Variants in SAMMSON observed in about 807,000 individuals in gnomAD.
The protein encoded by SAMMSON is survival associated mitochondrial melanoma specific oncogenic non-coding RNA.
intron 2 of SAMMSON, among the ~76,000 whole-genome samples, chr3:70,403,155 CA>C (rs1222124696): frequency 6.6e-6 from 1 of 152,078 alleles, no homozygotes; most frequent in Admixed American, 6.5e-5. Flanking sequence ...GCAATGAAAT[CA>C]AATGATGGTC....
At chr3:70,080,131 G>T (rs2106640575) in intron 4 of SAMMSON, among the ~76,000 whole-genome samples, 1 of 152,296 alleles carries the variant, frequency 6.6e-6, no homozygotes, top group South Asian at 2.1e-4. Flanking sequence ...CCAGGATCCA[G>T]ACTAGGTGAG....
chr3:70,105,858 C>T (rs984015647), intron 4 of SAMMSON, among the ~76,000 whole-genome samples: 10 of 152,222 alleles, frequency 6.6e-5, no homozygotes, highest in African/African-American at 2.4e-4. Flanking sequence ...TCGAATCAAA[C>T]AATTTGGATT....
intron 4 of SAMMSON, among the ~76,000 whole-genome samples, chr3:70,118,441 T>C (rs1424217274): frequency 6.6e-6 from 1 of 152,306 alleles, no homozygotes; most frequent in Middle Eastern, 3.4e-3. Flanking sequence ...CCTTTTATTT[T>C]GCACCCAAAA....
At chr3:70,162,610 G>C (rs1024128966) in intron 4 of SAMMSON, among the ~76,000 whole-genome samples, 1 of 151,926 alleles carries the variant, frequency 6.6e-6, no homozygotes, top group African/African-American at 2.4e-5. Flanking sequence ...GTATTCTGCT[G>C]TTTTTGGGTG....
chr3:70,018,532 C>A (rs1015956292), intron 3 of SAMMSON, among the ~76,000 whole-genome samples: 4 of 152,140 alleles, frequency 2.6e-5, no homozygotes, highest in Admixed American at 6.5e-5. Context: ...AAAAAACCAG[C>A]TCCTGGATTC....
At chr3:70,385,799 A>G (rs1314218313) in intron 9 of SAMMSON, among the ~76,000 whole-genome samples, 3 of 152,124 alleles carry the variant, frequency 2.0e-5, no homozygotes, top group African/African-American at 4.8e-5. Context: ...TAAAGTACAG[A>G]TATGTCATCT....
intron 6 of SAMMSON, among the ~76,000 whole-genome samples, chr3:70,250,749 T>G (rs1207128651): frequency 6.6e-6 from 1 of 152,168 alleles, no homozygotes; most frequent in African/African-American, 2.4e-5. Flanking sequence ...CATCTTGCAA[T>G]TTGGGACTAA....
At chr3:70,057,015 G>A (rs2067170491) in intron 3 of SAMMSON, among the ~76,000 whole-genome samples, 1 of 152,034 alleles carries the variant, frequency 6.6e-6, no homozygotes, top group South Asian at 2.1e-4. Flanking sequence ...TAATCTATTT[G>A]TGTCCCAAAG....
At chr3:70,057,460 TG>T (rs564277573) in intron 3 of SAMMSON, among the ~76,000 whole-genome samples, 203 of 152,174 alleles carry the variant, frequency 1.3e-3, no homozygotes, top group Admixed American at 1.6e-3. Context: ...AATGAAGAAT[TG>T]TCTTTGCCTT....
At chr3:70,206,654 G>C (rs1260529941) in intron 4 of SAMMSON, 1 of 397,758 alleles carries the variant, frequency 2.5e-6, no homozygotes, top group Non-Finnish European at 4.4e-6. Context: ...ACAGTGATGT[G>C]CTGGATTCTG....
intron 4 of SAMMSON, among the ~76,000 whole-genome samples, chr3:70,092,597 A>G (rs2067308696): frequency 6.6e-6 from 1 of 152,076 alleles, no homozygotes; most frequent in Non-Finnish European, 1.5e-5. Context: ...TCCCACCCAA[A>G]GAAGAACCTT....
intron 4 of SAMMSON, among the ~76,000 whole-genome samples, chr3:70,132,006 C>T (rs1232107098): frequency 6.6e-6 from 1 of 152,158 alleles, no homozygotes; most frequent in African/African-American, 2.4e-5. Context: ...AGGACCCCCT[C>T]TTGGCCAAGG....
intron 2 of SAMMSON, among the ~76,000 whole-genome samples, chr3:70,420,186 G>T (rs991501596): frequency 6.6e-6 from 1 of 152,066 alleles, no homozygotes; most frequent in Non-Finnish European, 1.5e-5. Flanking sequence ...TGTCTCACAG[G>T]TCCTCTTAGG....
At chr3:70,020,709 A>G (rs2067009917) in intron 3 of SAMMSON, among the ~76,000 whole-genome samples, 1 of 152,106 alleles carries the variant, frequency 6.6e-6, no homozygotes, top group Non-Finnish European at 1.5e-5. Flanking sequence ...AGTAACAATA[A>G]TAATTAATAA....
intron 4 of SAMMSON, among the ~76,000 whole-genome samples, chr3:70,080,952 G>T (rs1025448413): frequency 3.3e-5 from 5 of 152,100 alleles, no homozygotes; most frequent in African/African-American, 4.8e-5. Flanking sequence ...CCAGGGAGGT[G>T]GGTATTTTGT....
intron 8 of SAMMSON, among the ~76,000 whole-genome samples, chr3:70,356,455 CTAAA>C (rs768324057): frequency 3.3e-5 from 5 of 151,944 alleles, no homozygotes; most frequent in African/African-American, 9.7e-5. Context: ...CCTAACCTGC[CTAAA>C]TAAATAAATA....
At chr3:70,260,466 C>G (rs1443613174) in intron 6 of SAMMSON, among the ~76,000 whole-genome samples, 1 of 151,932 alleles carries the variant, frequency 6.6e-6, no homozygotes. Context: ...TTTTTACATC[C>G]CCTCAGTTCA....
At chr3:70,398,501 A>G (rs924700994) in intron 2 of SAMMSON, among the ~76,000 whole-genome samples, 7 of 152,180 alleles carry the variant, frequency 4.6e-5, no homozygotes, top group African/African-American at 1.4e-4. Flanking sequence ...CTTATTACTA[A>G]TTTTGTTCTG....
chr3:70,201,164 A>G (rs1701234304), intron 4 of SAMMSON, among the ~76,000 whole-genome samples: 1 of 151,602 alleles, frequency 6.6e-6, no homozygotes, highest in Admixed American at 6.6e-5. Context: ...TAAGTCTAGT[A>G]CTCATTATTT....
Sources: allele counts gnomAD v4.1 joint callset (sites outside exome capture counted in the v4.1 genomes callset), GRCh38; gene constraint gnomAD v4.1.1; transcripts MANE v1.5; gene names NCBI Gene and HGNC (gene_info 2026-07-23, HGNC 2026-07-21).